GAB2: variants seen among roughly 807,000 people sequenced by gnomAD.
GAB2 encodes GRB2 associated binding protein 2, also known as GRB2-associated-binding protein 2.
Under a neutral mutation model 65.5 loss-of-function variants are expected in GAB2, and 26 were observed. That is an observed-to-expected ratio of 0.40 (90% CI 0.29 to 0.55). GAB2 has a LOEUF of 0.55. Among genes scored for constraint, GAB2 ranks in the 20% least tolerant of loss-of-function variants. The probability of loss-of-function intolerance (pLI) is 0.53; values close to 1 mark genes in which losing one functional copy is unlikely to be tolerated. For missense variants in GAB2, 884 were observed against 875.8 expected, an observed-to-expected ratio of 1.01 and a Z score of -0.12; for synonymous variants, 321 against 329.6, an observed-to-expected ratio of 0.97 and a Z score of 0.28.
At chr11:78,356,251 G>C (rs1336082055) in intron 1 of GAB2, among the ~76,000 whole-genome samples, 1 of 151,892 alleles carries the variant, frequency 6.6e-6, no homozygotes, top group African/African-American at 2.4e-5. Flanking sequence ...AGCTCAAGCA[G>C]TTTATGATTT....
At chr11:78,390,205 T>G (rs1359225548) in intron 1 of GAB2, among the ~76,000 whole-genome samples, 2 of 152,210 alleles carry the variant, frequency 1.3e-5, no homozygotes, top group Non-Finnish European at 2.9e-5. Context: ...TACAAAGGGT[T>G]TGAAATAAAT....
chr11:78,345,017 C>A (rs1367495201), intron 1 of GAB2, among the ~76,000 whole-genome samples: 1 of 152,092 alleles, frequency 6.6e-6, no homozygotes, highest in Non-Finnish European at 1.5e-5. Context: ...TGGCACACGC[C>A]TGTAATCCTG....
At chr11:78,326,901 TAAG>T (rs974897985) in intron 1 of GAB2, among the ~76,000 whole-genome samples, 2 of 152,118 alleles carry the variant, frequency 1.3e-5, no homozygotes, top group Admixed American at 6.5e-5. Context: ...TTACTGGAGG[TAAG>T]AAGAAGGCCT....
rs1024863115 is a variant in GAB2, at chr11:78,359,378, G to A, written c.75+58268C>T. 2.6e-5 allele frequency among the ~76,000 whole-genome samples: 4 copies of A among 152,182 alleles called. No individual in the cohort carries two copies. The South Asian group carries it at 6.2e-4, about 24-fold the overall frequency. On this transcript the variant is annotated intron_variant, in intron 1 of 9. Coordinates refer to ENST00000361507, the MANE Select transcript of GAB2 (RefSeq NM_080491.3). ...CAGAAGAATGGCAATTAGACTATCA[G>A]CTAACTCCTGAACAGCAACAGTGAA...
At chr11:78,397,080 ATG>A (rs1425105715) in intron 1 of GAB2, among the ~76,000 whole-genome samples, 3 of 152,194 alleles carry the variant, frequency 2.0e-5, no homozygotes, top group African/African-American at 7.2e-5. Context: ...TATTTTTGTG[ATG>A]TGTGTTTATA....
chr11:78,349,118 G>C lies in GAB2; in HGVS notation c.76-68217C>G, dbSNP rs575049506. On this transcript the variant is annotated intron_variant, in intron 1 of 9. Coordinates refer to ENST00000361507, the MANE Select transcript of GAB2 (RefSeq NM_080491.3). ...AATGTAGTACTTGTTTCATGAGTAC[G>C]GACAGACACCTATGAGACTCATTAA... 3.3e-5 allele frequency among the ~76,000 whole-genome samples: 5 copies of C among 152,230 alleles called. No individual in the cohort carries two copies. The South Asian group carries it at 6.2e-4, about 19-fold the overall frequency.
intron 1 of GAB2, among the ~76,000 whole-genome samples, chr11:78,379,656 G>C (rs1053766099): frequency 1.3e-5 from 2 of 152,180 alleles, no homozygotes; most frequent in East Asian, 1.9e-4. Flanking sequence ...TCCTACTGTT[G>C]AGAGTGTCTT....
intron 2 of GAB2, among the ~76,000 whole-genome samples, chr11:78,279,735 A>G (rs534490092): frequency 5.3e-5 from 8 of 152,232 alleles, no homozygotes; most frequent in Admixed American, 1.3e-4. Flanking sequence ...TTCACTTAAC[A>G]TGTTTTCAGT....
At chr11:78,308,893 G>T (rs570330665) in intron 1 of GAB2, among the ~76,000 whole-genome samples, 1 of 152,214 alleles carries the variant, frequency 6.6e-6, no homozygotes, top group South Asian at 2.1e-4. Flanking sequence ...TATAATTTTT[G>T]TGTGTGTATT....
chr11:78,371,263 T>C (rs1856568305), intron 1 of GAB2, among the ~76,000 whole-genome samples: 1 of 152,234 alleles, frequency 6.6e-6, no homozygotes, highest in Admixed American at 6.5e-5. Context: ...ATACTTAGTC[T>C]ATACTCAGTA....
intron 1 of GAB2, among the ~76,000 whole-genome samples, chr11:78,347,464 C>T (rs1405965488): frequency 1.3e-5 from 2 of 152,176 alleles, no homozygotes; most frequent in East Asian, 1.9e-4. Context: ...CTTGGTTGTA[C>T]GATTTGAACA....
At chr11:78,325,924 A>G (rs1241948982) in intron 1 of GAB2, among the ~76,000 whole-genome samples, 2 of 152,166 alleles carry the variant, frequency 1.3e-5, no homozygotes, top group African/African-American at 2.4e-5. Flanking sequence ...TAAACATTGT[A>G]TTTTTTAACA....
At chr11:78,225,059 T>C (rs1389249817) in intron 5 of GAB2, 49 bp downstream of exon 5, 1 of 1,207,198 alleles carries the variant, frequency 8.3e-7, no homozygotes, top group East Asian at 2.3e-5. Context: ...GGTGTGACCT[T>C]TTACCTAACC....
chr11:78,226,990 G>T lies in GAB2; in HGVS notation c.682C>A (p.Gln228Lys). Reference sequence around the variant, plus strand: ...TGTCCATTGCCCTGGGCAAGTTTTTGTACAGCTGTGTCACTCCTCATGAGA... The same window carrying T: ...TGTCCATTGCCCTGGGCAAGTTTTTTTACAGCTGTGTCACTCCTCATGAGA... ...SFLMRSDTAV[Q>K]KLAQGNGHCV... is the part of the protein sequence containing the mutation. The change falls in exon 4 of 10, where the codon CAA becomes AAA. Residue 228 changes from glutamine (Q) to lysine (K), a missense_variant. By Grantham distance (53) the Gln-to-Lys change is moderately conservative. Coordinates refer to ENST00000361507, the MANE Select transcript of GAB2 (RefSeq NM_080491.3). 4 of 1,613,620 alleles carry T rather than the reference G, an allele frequency of 2.5e-6. No individual in the cohort carries two copies. The highest frequency in any genetic ancestry group is 3.4e-6 in the Non-Finnish European group (4 of 1,179,798).
chr11:78,346,145 A>G (rs1012821222), intron 1 of GAB2, among the ~76,000 whole-genome samples: 10 of 152,220 alleles, frequency 6.6e-5, no homozygotes, highest in African/African-American at 2.2e-4. Flanking sequence ...AACTTTAAAA[A>G]TAACAGGCAG....
chr11:78,222,172 T>G lies in GAB2; in HGVS notation c.1591A>C (p.Arg531=). ...RKAKPTPLDL[R]NNTVIDELPF... is the part of the protein sequence containing the mutation. ...AGTTCATCGATGACGGTGTTGTTCC[T>G]CAGGTCAAGTGGTGTTGGCTTTGCT... The change falls in exon 7 of 10, where the codon AGG becomes CGG. Residue 531 remains arginine (R), a synonymous_variant. Coordinates refer to ENST00000361507, the MANE Select transcript of GAB2 (RefSeq NM_080491.3). The G allele has an allele frequency of 6.2e-7, 1 of 1,613,932 alleles. No individual in the cohort carries two copies. The highest frequency in any genetic ancestry group is 8.5e-7 in the Non-Finnish European group (1 of 1,179,800).
chr11:78,222,251 C>G (rs1864464518), intron 6 of GAB2, 56 bp from the exon 7 acceptor site: 1 of 1,082,792 alleles, frequency 9.2e-7, no homozygotes, highest in Non-Finnish European at 1.4e-6. Flanking sequence ...GCTACACATA[C>G]ACACCTTATA....
intron 1 of GAB2, among the ~76,000 whole-genome samples, chr11:78,283,271 T>G (rs999889340): frequency 3.3e-5 from 5 of 152,226 alleles, no homozygotes; most frequent in Non-Finnish European, 7.3e-5. Context: ...CTGTGAGCTC[T>G]GTTACTAGGG....
chr11:78,341,946 C>T, intron 1 of GAB2: 1 of 923,906 alleles, frequency 1.1e-6, no homozygotes, highest in Non-Finnish European at 1.3e-6. Context: ...CTCCACCAGC[C>T]TGTGTGGAAG....
Sources: gnomAD v4.1 joint callset for allele counts (sites outside exome capture counted in the v4.1 genomes callset) on GRCh38, gnomAD v4.1.1 for gene constraint, MANE v1.5 for transcripts, NCBI Gene and HGNC (gene_info 2026-07-23, HGNC 2026-07-21) for gene names.